Variants in LPA observed in about 807,000 individuals in gnomAD.
LPA encodes the protein lipoprotein(a), also known as apolipoprotein(a).
Under a neutral mutation model 197.9 loss-of-function variants are expected in LPA, and 199 were observed. The observed-to-expected ratio is 1.01, with a 90% CI of 0.90 to 1.13. The LOEUF (loss-of-function observed/expected upper bound fraction) is 1.13, where lower values mean the gene tolerates loss of function less well. LPA is among the 50% of genes most tolerant of loss of function. The probability of loss-of-function intolerance (pLI) is 0.00; values close to 1 mark genes in which losing one functional copy is unlikely to be tolerated. For missense variants in LPA, 1,853 were observed against 1,785.8 expected (o/e 1.04, Z -0.68); for synonymous variants, 715 against 639.5 (o/e 1.12, Z -1.78).
At chr6:160,651,251 T>C (rs1780000418) in intron 1 of LPA, among the ~76,000 whole-genome samples, 1 of 152,186 alleles carries the variant, frequency 6.6e-6, no homozygotes, top group African/African-American at 2.4e-5. Context: ...CCACCAAAGA[T>C]TGAGCATTCA....
chr6:160,580,327 ATAG>A (rs144058671), intron 26 of LPA, among the ~76,000 whole-genome samples: 6,301 of 152,282 alleles, frequency 0.041, 411 homozygotes, highest in African/African-American at 0.14. Context: ...AAACATTGAA[ATAG>A]TTTTTATTTT....
At chr6:160,559,105 G>T (rs1583578080) in intron 28 of LPA, among the ~76,000 whole-genome samples, 1 of 152,066 alleles carries the variant, frequency 6.6e-6, no homozygotes, top group Non-Finnish European at 1.5e-5. Flanking sequence ...TATACCTGTG[G>T]AGCCCAAACT....
At chr6:160,600,624 CAAT>C (rs1266352420) in intron 19 of LPA, among the ~76,000 whole-genome samples, 1 of 152,162 alleles carries the variant, frequency 6.6e-6, no homozygotes. Flanking sequence ...CAGCATATTA[CAAT>C]AAGAATTTTG....
At chr6:160,543,175 C>CGG (rs1778013277) in intron 33 of LPA, among the ~76,000 whole-genome samples, 2 of 152,170 alleles carry the variant, frequency 1.3e-5, no homozygotes, top group African/African-American at 4.8e-5. Flanking sequence ...AGCTTCAGGA[C>CGG]AGTTCTTCTG....
chr6:160,578,225 A>C (rs1044518647), intron 27 of LPA, among the ~76,000 whole-genome samples: 4 of 152,162 alleles, frequency 2.6e-5, no homozygotes, highest in Non-Finnish European at 4.4e-5. Context: ...GGCTGTTAGA[A>C]TATCCATTTT....
In LPA at chr6:160,611,635, C is replaced by A. The variant is rs1352229344; in HGVS notation, c.2530G>T (p.Gly844Ter). The stretch of plus-strand genomic sequence containing the variant: ...GATGACCAAGCTTGGCAGGTTCTTC[C>A]AGTGACAGTGGTGGAGTATGTGCCT... ...YRGTYSTTVT[G>*]RTCQAWSSMT... The change falls in exon 16 of 39, where the codon GGA becomes TGA. Residue 844 changes from glycine (G) to a stop codon, truncating the protein, a stop_gained. Coordinates refer to ENST00000316300, the MANE Select transcript of LPA (RefSeq NM_005577.4). LOFTEE classifies it high-confidence loss of function. 6.3e-7 allele frequency: 1 copy of A among 1,588,430 alleles called. No individual in the cohort carries two copies. The highest frequency in any genetic ancestry group is 8.5e-7 in the Non-Finnish European group (1 of 1,170,268).
In LPA at chr6:160,542,670, T is replaced by C. The variant is rs1464078576; in HGVS notation, c.5519+18A>G. The C allele has an allele frequency of 1.2e-6, 2 of 1,612,588 alleles. No homozygotes were observed. Among genetic ancestry groups the C allele is most frequent in the Non-Finnish European group, 1.7e-6 (2 of 1,179,818 alleles). Reference sequence around the variant, plus strand: ...TACATGGAAGGACAGTATAGATGGTTTCTGGGCCTGTTCTTACCTTGTTCT... The same window carrying C: ...TACATGGAAGGACAGTATAGATGGTCTCTGGGCCTGTTCTTACCTTGTTCT... On this transcript the variant is annotated intron_variant, in intron 34 of 38. Transcript: ENST00000316300.
intron 21 of LPA, 92 bp from the exon 22 acceptor site, chr6:160,594,209 TG>T: frequency 6.7e-7 from 1 of 1,485,360 alleles, no homozygotes; most frequent in Non-Finnish European, 9.4e-7. Context: ...TCATTGTCTC[TG>T]AGAAAGACTA....
chr6:160,567,934 G>GA (rs1778488967), intron 28 of LPA, among the ~76,000 whole-genome samples: 1 of 152,078 alleles, frequency 6.6e-6, no homozygotes, highest in South Asian at 2.1e-4. Flanking sequence ...ACCCTACCAA[G>GA]ACTAAACCAG....
At chr6:160,569,900 G>T (rs1778532257) in intron 28 of LPA, among the ~76,000 whole-genome samples, 1 of 152,216 alleles carries the variant, frequency 6.6e-6, no homozygotes, top group South Asian at 2.1e-4. Flanking sequence ...ACCATCACTG[G>T]CCATCAGAGA....
At chr6:160,538,281 T>G (rs952246996) in intron 36 of LPA, among the ~76,000 whole-genome samples, 3 of 152,200 alleles carry the variant, frequency 2.0e-5, no homozygotes, top group Non-Finnish European at 4.4e-5. Context: ...TCATGCCAAG[T>G]GTGTCCTTTC....
At chr6:160,662,836 C>G (rs1780248814) in intron 1 of LPA, among the ~76,000 whole-genome samples, 1 of 152,222 alleles carries the variant, frequency 6.6e-6, no homozygotes, top group South Asian at 2.1e-4. Flanking sequence ...GCATCTACCT[C>G]CCTTTCATCA....
At chr6:160,654,034 AT>A (rs1780073750) in intron 1 of LPA, among the ~76,000 whole-genome samples, 1 of 15,682 alleles carries the variant, frequency 6.4e-5, no homozygotes, top group African/African-American at 4.2e-4. Context: ...TATAATATAT[AT>A]TATATATAAT....
chr6:160,601,139 C>G (rs766897670), intron 18 of LPA, 41 bp from the exon 19 acceptor site: 4 of 1,581,954 alleles, frequency 2.5e-6, no homozygotes, highest in Non-Finnish European at 1.7e-6. Context: ...AAAATGGGTA[C>G]ATATGCAGGA....
rs527743737 is a variant in LPA at position 160,659,596 on chromosome 6, T to C, written c.49+4570A>G. ...GGGAAGTGGCCAGGTCCCTTCTTTCTCAAGCCCAAGGGCATTAACGGTGGT... is the reference window on the plus strand; with the variant it reads ...GGGAAGTGGCCAGGTCCCTTCTTTCCCAAGCCCAAGGGCATTAACGGTGGT... On this transcript the variant is annotated intron_variant, in intron 1 of 38. Transcript: ENST00000316300. Among the ~76,000 whole-genome samples the C allele has an allele frequency of 1.2e-4, 19 of 152,324 alleles. 1 individual carries two copies. In the East Asian group the frequency reaches 3.1e-3, roughly 25 times the overall value.
At chr6:160,569,457 C>T (rs1156391320) in intron 28 of LPA, among the ~76,000 whole-genome samples, 1 of 150,886 alleles carries the variant, frequency 6.6e-6, no homozygotes, top group South Asian at 2.1e-4. Context: ...GGATCCCTTC[C>T]TTACACCTTA....
chr6:160,548,658 C>T lies in LPA; in HGVS notation c.4975G>A (p.Gly1659Ser), dbSNP rs1778120050. The T allele has an allele frequency of 4.3e-6, 7 of 1,613,838 alleles. No homozygotes were observed. Among genetic ancestry groups the T allele is most frequent in the Non-Finnish European group, 5.9e-6 (7 of 1,179,948 alleles). The change falls in exon 31 of 39, where the codon GGC (glycine) becomes AGC (serine). Residue 1659 changes from glycine (G) to serine (S), a missense_variant and splice_region_variant. Gly to Ser is a moderately conservative substitution (Grantham distance 56). This residue lies in a region of LPA where 1,737 missense variants were observed against 1,504.4 expected (regional missense o/e 1.15). Transcript: ENST00000316300. ...QRTPENYPND[G>S]LTMNYCRNPD... ...TTCCTGCAGTAGTTCATTGTCAGGC[C>T]ACTGGAAATTCCAAAGCAATACAAG...
Position 160,633,994 on chromosome 6 carries a change from G to A in LPA, c.1076-82C>T. On this transcript the variant is annotated intron_variant, in intron 7 of 38. Coordinates refer to ENST00000316300, the MANE Select transcript of LPA (RefSeq NM_005577.4). Reference sequence around the variant, plus strand: ...AAGCCATTTATGACACAACCAGAAAGGAGTCTATGAGAATTACGAACGTTA... The same window carrying A: ...AAGCCATTTATGACACAACCAGAAAAGAGTCTATGAGAATTACGAACGTTA... The A allele has an allele frequency of 2.0e-6, 3 of 1,500,836 alleles. 1 individual carries two copies. The highest frequency in any genetic ancestry group is 1.4e-5 in the African/African-American group (1 of 69,678). The allele number at this position is 1,500,836 out of a possible 1,614,324, so 93.0% of individuals were successfully genotyped here. A position where few individuals can be genotyped will look rare whatever the true frequency, so the allele number is the denominator to read the frequency against.
chr6:160,543,395 C>T (rs988687719), intron 33 of LPA, among the ~76,000 whole-genome samples: 13 of 152,078 alleles, frequency 8.5e-5, no homozygotes, highest in African/African-American at 2.2e-4. Context: ...CTGTTGTCTC[C>T]AGCCCTTCAA....
Sources: gnomAD v4.1 joint callset for allele counts (sites outside exome capture counted in the v4.1 genomes callset) on GRCh38, gnomAD v4.1.1 for gene constraint, gnomAD v4.1.1 regional missense constraint, MANE v1.5 for transcripts, NCBI Gene and HGNC (gene_info 2026-07-23, HGNC 2026-07-21) for gene names.